The following ZCWPW2 variants were observed in gnomAD, a reference collection of about 807,000 sequenced individuals.
ZCWPW2 encodes the protein zinc finger CW-type PWWP domain protein 2.
Under a neutral mutation model 46.6 loss-of-function variants are expected in ZCWPW2, and 45 were observed. The ratio of observed to expected loss-of-function variants is 0.96; its 90% CI spans 0.76 to 1.24. ZCWPW2 has a LOEUF of 1.24. ZCWPW2 is among the 50% of genes most tolerant of loss of function. ZCWPW2 has a pLI of 0.00. For missense variants in ZCWPW2, 429 were observed against 403.9 expected, an observed-to-expected ratio of 1.06 and a Z score of -0.53; for synonymous variants, 152 against 137.1, an observed-to-expected ratio of 1.11 and a Z score of -0.76.
intron 6 of ZCWPW2, among the ~76,000 whole-genome samples, chr3:28,513,561 C>G (rs1232772920): frequency 6.6e-6 from 1 of 152,108 alleles, no homozygotes; most frequent in East Asian, 1.9e-4. Context: ...GCACAGCTCT[C>G]TAACCAGTGT....
chr3:28,394,089 A>G, intron 2 of ZCWPW2, among the ~76,000 whole-genome samples: 1 of 152,276 alleles, frequency 6.6e-6, no homozygotes, highest in South Asian at 2.1e-4. Flanking sequence ...GATACAGGTT[A>G]TAAAATAAAT....
At chr3:28,438,453 C>A (rs1697587830) in intron 4 of ZCWPW2, among the ~76,000 whole-genome samples, 1 of 152,218 alleles carries the variant, frequency 6.6e-6, no homozygotes, top group Non-Finnish European at 1.5e-5. Context: ...TCAGAAAAGA[C>A]CTGAGTGGAC....
At chr3:28,429,310 G>T (rs778291967) in intron 3 of ZCWPW2, among the ~76,000 whole-genome samples, 5 of 152,184 alleles carry the variant, frequency 3.3e-5, no homozygotes, top group Non-Finnish European at 7.3e-5. Flanking sequence ...TTGCCCTAGA[G>T]ATTCTGTGGA....
chr3:28,430,856 C>A lies in ZCWPW2; in HGVS notation c.333-4254C>A, dbSNP rs572646427. Among the ~76,000 whole-genome samples the A allele has an allele frequency of 1.3e-4, 20 of 152,218 alleles. No homozygotes were observed. The East Asian group carries it at 3.7e-3, about 28-fold the overall frequency. Reference sequence around the variant, plus strand: ...ATGTGAAGAAGGACATGTTTGCTACCCCTTCTGCCATGATTGTAAGTTTCC... The same window carrying A: ...ATGTGAAGAAGGACATGTTTGCTACACCTTCTGCCATGATTGTAAGTTTCC... On this transcript the variant is annotated intron_variant, in intron 3 of 9. Coordinates refer to ENST00000383768, the MANE Select transcript of ZCWPW2 (RefSeq NM_001040432.4).
chr3:28,413,399 A>G lies in ZCWPW2; in HGVS notation c.331A>G (p.Ser111Gly), dbSNP rs1450200291. Residue 111 changes from serine to glycine, a missense_variant and splice_region_variant, in exon 3 of 10, where the codon AGT (serine) becomes GGT (glycine). Coordinates refer to ENST00000383768, the MANE Select transcript of ZCWPW2 (RefSeq NM_001040432.4). Reference protein sequence around the residue: ...LVLVKLQNWPSWPGILCPDRF... With the variant: ...LVLVKLQNWPGWPGILCPDRF... ...TTTGGTAAAATTACAGAATTGGCCA[A>G]GGTAAGGTTTGTGTAGTTTTATGAC... 2 of 1,602,278 alleles carry G rather than the reference A, an allele frequency of 1.2e-6. No homozygotes were observed. The highest frequency in any genetic ancestry group is 1.7e-6 in the Non-Finnish European group (2 of 1,172,268).
chr3:28,524,584 G>C lies in ZCWPW2; in HGVS notation c.967G>C (p.Glu323Gln). ...AGSLFENHYEEDYLVIDGIKL... is the reference protein window; with the variant it reads ...AGSLFENHYEQDYLVIDGIKL... ...CAGTCTGTTTGAAAACCACTATGAA[G>C]AGGACTATCTTGTAATTGATGGGAT... Residue 323 changes from glutamate to glutamine, a missense_variant, in exon 10 of 10, where the codon GAG (glutamate) becomes CAG (glutamine). Coordinates refer to ENST00000383768, the MANE Select transcript of ZCWPW2 (RefSeq NM_001040432.4). 1 of 1,609,264 alleles carries C rather than the reference G, an allele frequency of 6.2e-7. No individual in the cohort carries two copies. Among genetic ancestry groups the C allele is most frequent in the Non-Finnish European group, 8.5e-7 (1 of 1,177,808 alleles).
chr3:28,485,070 G>A (rs974551378), intron 5 of ZCWPW2, among the ~76,000 whole-genome samples: 7 of 150,962 alleles, frequency 4.6e-5, no homozygotes, highest in African/African-American at 1.7e-4. Flanking sequence ...TGCTTTTGCT[G>A]CATCCCATGA....
chr3:28,352,125 T>TGCAC (rs1559469347), intron 1 of ZCWPW2, among the ~76,000 whole-genome samples: 5 of 87,964 alleles, frequency 5.7e-5, no homozygotes, highest in African/African-American at 2.3e-4. Flanking sequence ...CTCAGATGTA[T>TGCAC]GCACACACAC....
At chr3:28,359,394 T>C (rs977891187) in intron 1 of ZCWPW2, among the ~76,000 whole-genome samples, 4 of 152,064 alleles carry the variant, frequency 2.6e-5, no homozygotes, top group African/African-American at 9.7e-5. Flanking sequence ...AAATTTGTTC[T>C]ATGCAACGAA....
intron 2 of ZCWPW2, among the ~76,000 whole-genome samples, chr3:28,404,368 C>G (rs978792297): frequency 3.3e-5 from 5 of 151,950 alleles, no homozygotes; most frequent in African/African-American, 1.2e-4. Flanking sequence ...ATCAAAAAAT[C>G]AAAAAACAGA....
At chr3:28,438,902 T>C (rs1192657838) in intron 4 of ZCWPW2, among the ~76,000 whole-genome samples, 3 of 151,780 alleles carry the variant, frequency 2.0e-5, no homozygotes, top group Non-Finnish European at 4.4e-5. Flanking sequence ...AAGTTCACTA[T>C]AGGGATTCAA....
At chr3:28,357,737 G>A (rs1305382204) in intron 1 of ZCWPW2, among the ~76,000 whole-genome samples, 4 of 150,490 alleles carry the variant, frequency 2.7e-5, no homozygotes, top group African/African-American at 9.8e-5. Context: ...GATCATGGGA[G>A]TTTACCTCCA....
At chr3:28,489,666 GCGCACACACACACACACA>G (rs1443097469) in intron 5 of ZCWPW2, among the ~76,000 whole-genome samples, 1,851 of 147,546 alleles carry the variant, frequency 0.013, 34 homozygotes, top group African/African-American at 0.037. Context: ...ACACACACGC[GCGCACACACACACACACA>G]CACACACACA....
At chr3:28,433,784 C>CA (rs202233109) in intron 3 of ZCWPW2, among the ~76,000 whole-genome samples, 1,739 of 132,042 alleles carry the variant, frequency 0.013, 38 homozygotes, top group African/African-American at 0.044. Context: ...AAACAAAAAA[C>CA]AAAAAAAACT....
chr3:28,520,808 GACTC>G (rs1171711826), intron 8 of ZCWPW2, among the ~76,000 whole-genome samples, 180 bp from the exon 9 acceptor site: 2 of 152,166 alleles, frequency 1.3e-5, no homozygotes, highest in African/African-American at 4.8e-5. Flanking sequence ...AATTGTAAAA[GACTC>G]ACCTTGAAAT....
chr3:28,459,206 TA>T (rs1273117619), intron 4 of ZCWPW2, among the ~76,000 whole-genome samples: 2 of 151,878 alleles, frequency 1.3e-5, no homozygotes, highest in African/African-American at 2.4e-5. Context: ...CTGTCTCCAC[TA>T]AAAATACAAA....
At chr3:28,373,881 A>G (rs1165277880) in intron 1 of ZCWPW2, among the ~76,000 whole-genome samples, 2 of 152,118 alleles carry the variant, frequency 1.3e-5, no homozygotes, top group Non-Finnish European at 2.9e-5. Context: ...TGAGATCCCT[A>G]TAGATTCTGG....
At chr3:28,354,827 AAATT>A (rs1167369123) in intron 1 of ZCWPW2, among the ~76,000 whole-genome samples, 1 of 92,886 alleles carries the variant, frequency 1.1e-5, no homozygotes, top group Admixed American at 1.4e-4. Context: ...AACTCTCAAT[AAATT>A]AGGTATTCAT....
At chr3:28,447,860 G>T in intron 4 of ZCWPW2, 1 of 1,033,098 alleles carries the variant, frequency 9.7e-7, no homozygotes, top group Non-Finnish European at 1.5e-6. Flanking sequence ...AAATCTGCAT[G>T]TGGTGTGTGC....
Sources: gnomAD v4.1 joint callset for allele counts (sites outside exome capture counted in the v4.1 genomes callset) on GRCh38, gnomAD v4.1.1 for gene constraint, MANE v1.5 for transcripts, NCBI Gene and HGNC (gene_info 2026-07-23, HGNC 2026-07-21) for gene names.